Variants in FBLN1 observed in about 807,000 individuals in gnomAD.
FBLN1 encodes fibulin-1.
Under a neutral mutation model 89.7 loss-of-function variants are expected in FBLN1, and 34 were observed. The observed-to-expected ratio is 0.38, with a 90% CI of 0.29 to 0.50. The LOEUF is 0.50. Among genes scored for constraint, FBLN1 ranks in the 20% least tolerant of loss-of-function variants. FBLN1 has a pLI of 0.92. For missense variants in FBLN1, 777 were observed against 988.1 expected (o/e 0.79, Z 2.86); for synonymous variants, 393 against 391.3 (o/e 1.00, Z -0.05).
At chr22:45,529,563 T>C (rs136736) in intron 4 of FBLN1, among the ~76,000 whole-genome samples, 71,390 of 152,108 alleles carry the variant, frequency 0.47, 18,125 homozygotes, top group Non-Finnish European at 0.57. Flanking sequence ...CCCCACTCTC[T>C]TAAAAAATAA....
chr22:45,596,449 C>A (rs1439672756), intron 16 of FBLN1, among the ~76,000 whole-genome samples: 2 of 152,162 alleles, frequency 1.3e-5, no homozygotes, highest in African/African-American at 4.8e-5. Context: ...GTAGCATGCG[C>A]AGACCCTCTG....
chr22:45,569,924 G>T (rs1485128222), intron 14 of FBLN1, among the ~76,000 whole-genome samples: 1 of 152,156 alleles, frequency 6.6e-6, no homozygotes, highest in African/African-American at 2.4e-5. Context: ...GAGACAGAAT[G>T]ATATCCCTCT....
Position 45,547,214 on chromosome 22 carries a change from C to T in FBLN1, c.1441+10C>T. ...GGAGTCACCTGTGAAGGTGCGGACG[C>T]CCCTGCCTGCTGAGGGGGAAAGCAC... On this transcript the variant is annotated intron_variant, in intron 12 of 16. Coordinates refer to ENST00000327858, the MANE Select transcript of FBLN1 (RefSeq NM_006486.3). The T allele has an allele frequency of 3.1e-6, 5 of 1,613,384 alleles. No homozygotes were observed. The highest frequency in any genetic ancestry group is 1.3e-5 in the African/African-American group (1 of 75,016).
At chr22:45,539,089 CA>C (rs2088519925) in intron 8 of FBLN1, among the ~76,000 whole-genome samples, 3 of 135,836 alleles carry the variant, frequency 2.2e-5, no homozygotes, top group African/African-American at 8.4e-5. Flanking sequence ...TTCCCCCTCC[CA>C]TCCTCCCCCT....
intron 1 of FBLN1, among the ~76,000 whole-genome samples, chr22:45,509,497 C>T (rs575370221): frequency 2.0e-4 from 30 of 152,264 alleles, no homozygotes; most frequent in Non-Finnish European, 2.8e-4. Context: ...GGCTCCAGTT[C>T]GCCCTGCTTC....
rs757816120 is a variant in FBLN1, at chr22:45,545,760, A to G, written c.1322-1325A>G. ...CTATTGGACGTTCTGTGACAGCCAC[A>G]TAGTATAGATTTAAGGCTTTTCCAG... On this transcript the variant is annotated intron_variant, in intron 11 of 16. Coordinates refer to ENST00000327858, the MANE Select transcript of FBLN1 (RefSeq NM_006486.3). The surrounding 1 kb of genome is among the most constrained non-coding windows in gnomAD (Gnocchi z 5.9). Among the ~76,000 whole-genome samples the G allele has an allele frequency of 2.8e-4, 42 of 152,200 alleles. No individual in the cohort carries two copies. The highest frequency in any genetic ancestry group is 4.8e-4 in the Non-Finnish European group (33 of 68,042).
At chr22:45,540,440 A>G (rs2238823) in intron 8 of FBLN1, among the ~76,000 whole-genome samples, 29,172 of 152,162 alleles carry the variant, frequency 0.19, 3,286 homozygotes, top group South Asian at 0.32. Flanking sequence ...GGAGAGGGGT[A>G]CAGCTGTCCT....
chr22:45,520,184 A>G (rs2088230641), intron 2 of FBLN1, among the ~76,000 whole-genome samples: 1 of 152,158 alleles, frequency 6.6e-6, no homozygotes, highest in Non-Finnish European at 1.5e-5. Context: ...CATCAAAAGA[A>G]AAAAATCAGA....
At position 45,548,740 on chromosome 22, in the gene FBLN1, C is replaced by T. The variant is rs1422499104; in HGVS notation, c.1569C>T (p.Cys523=). The T allele has an allele frequency of 2.5e-6, 4 of 1,612,956 alleles. No homozygotes were observed. In the African/African-American group the frequency reaches 5.3e-5, roughly 22 times the overall value. Residue 523 remains cysteine, a synonymous_variant, in exon 13 of 17, where the codon TGC becomes TGT. Transcript: ENST00000327858. The part of the protein sequence containing the change: ...GYRLAPNGRN[C]QDIDECVTGI... ...GGCTGGCCCCCAATGGCCGCAACTG[C>T]CAAGGTGAGCAGGAGGGATGCCCTG...
At chr22:45,522,322 C>T (rs373715659) in intron 2 of FBLN1, among the ~76,000 whole-genome samples, 12 of 152,170 alleles carry the variant, frequency 7.9e-5, no homozygotes, top group East Asian at 5.8e-4. Flanking sequence ...CTGTGAGGCT[C>T]ACCAGCTGAA....
intron 13 of FBLN1, 65 bp downstream of exon 13, chr22:45,548,809 T>C (rs1302142262): frequency 1.2e-6 from 2 of 1,600,664 alleles, no homozygotes; most frequent in African/African-American, 2.7e-5. Flanking sequence ...GTCGTGGGGC[T>C]GAGGCTGGGC....
chr22:45,563,498 C>G lies in FBLN1; in HGVS notation c.1698-11013C>G. 1 of 840,488 alleles carries G rather than the reference C, an allele frequency of 1.2e-6. No individual in the cohort carries two copies. Among genetic ancestry groups the G allele is most frequent in the Admixed American group, 2.9e-5 (1 of 34,104 alleles). The allele number at this position is 840,488 out of a possible 1,614,324, so 52.1% of individuals were successfully genotyped here. ...AGCGCTCCCCACTAGAGGGTGTGTG[C>G]TCGGGGGTCCCTGTTCACAGAGCCC... On this transcript the variant is annotated intron_variant, in intron 14 of 16. Transcript: ENST00000327858. The surrounding 1 kb of genome is among the most constrained non-coding windows in gnomAD (Gnocchi z 5.7).
intron 1 of FBLN1, among the ~76,000 whole-genome samples, chr22:45,516,288 T>G (rs2088168816): frequency 2.0e-5 from 3 of 146,816 alleles, no homozygotes; most frequent in Non-Finnish European, 3.0e-5. Context: ...GCAGAAAGGG[T>G]GAAGGGGGTA....
At chr22:45,599,515 C>T (rs934869283) in intron 16 of FBLN1, among the ~76,000 whole-genome samples, 2 of 152,120 alleles carry the variant, frequency 1.3e-5, no homozygotes, top group African/African-American at 4.8e-5. Context: ...GATACGCCTG[C>T]TTCATTTCTT....
chr22:45,533,822 A>G lies in FBLN1; in HGVS notation c.708A>G (p.Thr236=). ...GGCTTGGAGAATCCTGCATCAACAC[A>G]GTGGGCTCTTTCCGCTGCCAGCGGG... ...SCRLGESCIN[T]VGSFRCQRDS... is the part of the protein sequence containing the mutation. Residue 236 remains threonine, a synonymous_variant, in exon 7 of 17, where the codon ACA becomes ACG. Transcript: ENST00000327858. 6.2e-7 allele frequency: 1 copy of G among 1,614,006 alleles called. No homozygotes were observed. The highest frequency in any genetic ancestry group is 8.5e-7 in the Non-Finnish European group (1 of 1,180,026).
intron 3 of FBLN1, 57 bp downstream of exon 3, chr22:45,525,735 G>C: frequency 1.3e-6 from 2 of 1,549,762 alleles, no homozygotes; most frequent in Non-Finnish European, 1.7e-6. Flanking sequence ...GGCAGACCCA[G>C]GCCCTCCCAG....
intron 11 of FBLN1, among the ~76,000 whole-genome samples, chr22:45,544,109 C>T (rs145295519): frequency 3.2e-4 from 49 of 150,912 alleles, no homozygotes; most frequent in East Asian, 3.1e-3. Context: ...TTTTTTGAGA[C>T]GGAGTCTCGC....
At chr22:45,586,942 G>A (rs147881043) in intron 16 of FBLN1, among the ~76,000 whole-genome samples, 66 of 152,240 alleles carry the variant, frequency 4.3e-4, no homozygotes, top group African/African-American at 1.5e-3. Context: ...TCTACGGACA[G>A]TACAGGGCCA....
At chr22:45,569,537 G>A (rs2088932785) in intron 14 of FBLN1, among the ~76,000 whole-genome samples, 1 of 152,138 alleles carries the variant, frequency 6.6e-6, no homozygotes, top group African/African-American at 2.4e-5. Flanking sequence ...GACTTGGGAG[G>A]CTGAGGCAGG....
Sources: allele counts gnomAD v4.1 joint callset (sites outside exome capture counted in the v4.1 genomes callset), GRCh38; gene constraint gnomAD v4.1.1; non-coding constraint Gnocchi (gnomAD v3.1); transcripts MANE v1.5; gene names NCBI Gene and HGNC (gene_info 2026-07-23, HGNC 2026-07-21).